The following PDZRN4 variants were observed in gnomAD, a reference collection of about 807,000 sequenced individuals.
PDZRN4 encodes PDZ domain-containing RING finger protein 4.
A neutral mutation model predicts 99.0 loss-of-function variants in PDZRN4; 70 were observed. That is an observed-to-expected ratio of 0.71 (90% confidence interval 0.58 to 0.86). The LOEUF (loss-of-function observed/expected upper bound fraction) is 0.86, where lower values mean the gene tolerates loss of function less well. Among genes scored for constraint, PDZRN4 ranks in the 40% least tolerant of loss-of-function variants. PDZRN4 has a pLI of 0.00. For synonymous variants in PDZRN4, 551 were observed against 501.6 expected (o/e 1.10, Z -1.32); for missense variants, 1,474 against 1,331.2 (o/e 1.11, Z -1.67).
intron 3 of PDZRN4, among the ~76,000 whole-genome samples, chr12:41,397,776 C>A (rs1025043869): frequency 6.6e-6 from 1 of 152,076 alleles, no homozygotes; most frequent in Non-Finnish European, 1.5e-5. Context: ...CCTTGAAGAA[C>A]TAATAATACT....
rs187780612 is a variant in PDZRN4, at chr12:41,373,787, T to C, written c.844-132669T>C. 2.5e-3 allele frequency among the ~76,000 whole-genome samples: 384 copies of C among 152,204 alleles called. 2 individuals are homozygous for C. Among genetic ancestry groups the C allele is most frequent in the African/African-American group, 8.6e-3 (356 of 41,548 alleles). ...GTGTAGGAAATCACAAGGGCATTGATTGGGGAAGTGATAAGTGTCCATGAA... is the reference window on the plus strand; with the variant it reads ...GTGTAGGAAATCACAAGGGCATTGACTGGGGAAGTGATAAGTGTCCATGAA... On this transcript the variant is annotated intron_variant, in intron 3 of 9. Coordinates refer to ENST00000402685, the MANE Select transcript of PDZRN4 (RefSeq NM_001164595.2).
intron 3 of PDZRN4, among the ~76,000 whole-genome samples, chr12:41,249,933 T>C (rs369339174): frequency 1.3e-5 from 2 of 152,320 alleles, no homozygotes; most frequent in East Asian, 1.9e-4. Flanking sequence ...TGAAGTTTTA[T>C]GGGAAATCAA....
At chr12:41,521,023 A>T (rs1938484984) in intron 5 of PDZRN4, among the ~76,000 whole-genome samples, 1 of 152,138 alleles carries the variant, frequency 6.6e-6, no homozygotes, top group African/African-American at 2.4e-5. Context: ...GATGCAAGCT[A>T]TTATAGAAGT....
intron 3 of PDZRN4, among the ~76,000 whole-genome samples, chr12:41,299,359 T>G (rs1188875146): frequency 6.6e-6 from 1 of 152,144 alleles, no homozygotes; most frequent in Non-Finnish European, 1.5e-5. Context: ...ATTTTTCCTC[T>G]CTTTTGTAAT....
intron 3 of PDZRN4, among the ~76,000 whole-genome samples, chr12:41,247,885 T>C (rs1951143362): frequency 6.6e-6 from 1 of 152,214 alleles, no homozygotes. Context: ...TTTAAGTTAA[T>C]ATACTTGGGA....
intron 3 of PDZRN4, among the ~76,000 whole-genome samples, chr12:41,277,941 A>C (rs576197481): frequency 6.6e-6 from 1 of 152,192 alleles, no homozygotes. Flanking sequence ...AAAGGATATT[A>C]GTTAGACATT....
chr12:41,210,358 C>A (rs1005463849), intron 3 of PDZRN4, among the ~76,000 whole-genome samples: 3 of 151,926 alleles, frequency 2.0e-5, no homozygotes, highest in African/African-American at 4.8e-5. Context: ...TTAATTAGAT[C>A]CCATTTGTCA....
chr12:41,458,449 A>G (rs1742009872), intron 3 of PDZRN4, among the ~76,000 whole-genome samples: 2 of 152,152 alleles, frequency 1.3e-5, no homozygotes, highest in Admixed American at 1.3e-4. Flanking sequence ...GAGCCACCAC[A>G]CCCAGCCGAG....
rs372366305 is a variant in PDZRN4, at chr12:41,191,475, A to G, written c.666A>G (p.Pro222=). Residue 222 remains proline (P), a synonymous_variant, in exon 2 of 10, where the codon CCA becomes CCG. Transcript: ENST00000402685. ...GGHRRDGEHK[P]FTIVLEREND... is the part of the protein sequence containing the mutation. ...TTTTCTAGGATGGAGAGCATAAGCCATTCACTATTGTGTTAGAAAGAGAAA... is the reference window on the plus strand; with the variant it reads ...TTTTCTAGGATGGAGAGCATAAGCCGTTCACTATTGTGTTAGAAAGAGAAA... 60 of 1,552,968 alleles carry G rather than the reference A, an allele frequency of 3.9e-5. No individual in the cohort carries two copies. In the African/African-American group the frequency reaches 8.0e-4, roughly 21 times the overall value.
intron 3 of PDZRN4, among the ~76,000 whole-genome samples, chr12:41,493,501 T>C (rs1937929224): frequency 2.0e-5 from 3 of 152,164 alleles, no homozygotes; most frequent in South Asian, 4.1e-4. Flanking sequence ...CATCCACTTT[T>C]TTGCCCTGTC....
chr12:41,201,196 G>A (rs79335330), intron 3 of PDZRN4, among the ~76,000 whole-genome samples: 1,726 of 144,916 alleles, frequency 0.012, 55 homozygotes, highest in East Asian at 0.11. Context: ...CTATCGTTTC[G>A]TGAAACTCCT....
chr12:41,300,956 C>T (rs1951531584), intron 3 of PDZRN4, among the ~76,000 whole-genome samples: 1 of 151,934 alleles, frequency 6.6e-6, no homozygotes, highest in South Asian at 2.1e-4. Flanking sequence ...AGGAAAGCAG[C>T]CAAGGTGAAA....
chr12:41,411,195 C>T (rs148582258), intron 3 of PDZRN4, among the ~76,000 whole-genome samples: 194 of 152,062 alleles, frequency 1.3e-3, no homozygotes, highest in Middle Eastern at 3.4e-3. Flanking sequence ...GCCACCGTGC[C>T]CAGCCTAGCA....
chr12:41,417,450 A>C (rs1312535614), intron 3 of PDZRN4, among the ~76,000 whole-genome samples: 2 of 152,194 alleles, frequency 1.3e-5, no homozygotes, highest in Admixed American at 1.3e-4. Flanking sequence ...TCCTTAATTT[A>C]GCCACTATTT....
intron 3 of PDZRN4, among the ~76,000 whole-genome samples, chr12:41,396,280 T>G (rs547598914): frequency 2.8e-4 from 42 of 152,320 alleles, no homozygotes; most frequent in African/African-American, 9.4e-4. Context: ...AATTCTCCTC[T>G]GCAGTCCTAT....
chr12:41,355,052 CTAAG>C (rs1302475682), intron 3 of PDZRN4, among the ~76,000 whole-genome samples: 7 of 152,048 alleles, frequency 4.6e-5, no homozygotes, highest in African/African-American at 7.2e-5. Context: ...TTGCCACCGA[CTAAG>C]TGTTTGCTTT....
chr12:41,192,369 G>A (rs918824065), intron 2 of PDZRN4, among the ~76,000 whole-genome samples: 1 of 152,120 alleles, frequency 6.6e-6, no homozygotes, highest in Non-Finnish European at 1.5e-5. Context: ...CAAAGTGCTG[G>A]GATTACAGGC....
intron 3 of PDZRN4, among the ~76,000 whole-genome samples, chr12:41,451,225 TG>T (rs1326674582): frequency 6.6e-6 from 1 of 151,698 alleles, no homozygotes; most frequent in Non-Finnish European, 1.5e-5. Flanking sequence ...ATAGACTAAA[TG>T]GCTTAATTTA....
chr12:41,473,724 A>G (rs1953015088), intron 3 of PDZRN4, among the ~76,000 whole-genome samples: 2 of 152,176 alleles, frequency 1.3e-5, no homozygotes. Context: ...ACTGCCCGCT[A>G]TCTCCAACAT....
Sources: allele counts gnomAD v4.1 joint callset (sites outside exome capture counted in the v4.1 genomes callset), GRCh38; gene constraint gnomAD v4.1.1; transcripts MANE v1.5; gene names NCBI Gene and HGNC (gene_info 2026-07-23, HGNC 2026-07-21).